The following GDAP2 variants were observed in gnomAD, a reference collection of about 807,000 sequenced individuals.
GDAP2 encodes ganglioside induced differentiation associated protein 2, also known as ganglioside-induced differentiation-associated protein 2.
GDAP2 carries 51 observed loss-of-function variants against 67.0 expected under a neutral mutation model. The ratio of observed to expected loss-of-function variants is 0.76; its 90% CI spans 0.61 to 0.96. The LOEUF is 0.96. GDAP2 is among the 40% of genes least tolerant of loss of function. The probability of loss-of-function intolerance (pLI) is 0.00; values close to 1 mark genes in which losing one functional copy is unlikely to be tolerated. For synonymous variants in GDAP2, 203 were observed against 207.3 expected (o/e 0.98, Z 0.18); for missense variants, 547 against 588.3 (o/e 0.93, Z 0.73).
At chr1:117,877,226 G>A in intron 13 of GDAP2, 1 of 885,150 alleles carries the variant, frequency 1.1e-6, no homozygotes, top group South Asian at 5.2e-5. Flanking sequence ...GAGAAATTGT[G>A]TTGCAGAATT....
At chr1:117,921,177 C>T (rs1650241271) in intron 1 of GDAP2, among the ~76,000 whole-genome samples, 1 of 151,970 alleles carries the variant, frequency 6.6e-6, no homozygotes, top group Non-Finnish European at 1.5e-5. Context: ...ATTCATTCAT[C>T]GAATAAATCT....
intron 8 of GDAP2, among the ~76,000 whole-genome samples, chr1:117,892,759 C>T (rs1649129948): frequency 6.6e-6 from 1 of 152,060 alleles, no homozygotes; most frequent in African/African-American, 2.4e-5. Flanking sequence ...TCCACCTGTA[C>T]AGCCAGCAGC....
chr1:117,910,981 G>A (rs1170773153), intron 5 of GDAP2, among the ~76,000 whole-genome samples: 1 of 152,176 alleles, frequency 6.6e-6, no homozygotes, highest in African/African-American at 2.4e-5. Context: ...GATGCTCATC[G>A]TAGTTTATGA....
chr1:117,922,758 GA>G (rs1318570461), intron 1 of GDAP2, among the ~76,000 whole-genome samples: 2 of 152,246 alleles, frequency 1.3e-5, no homozygotes, highest in Non-Finnish European at 2.9e-5. Flanking sequence ...AGGTCAGGGT[GA>G]AACTAGAATC....
intron 6 of GDAP2, among the ~76,000 whole-genome samples, chr1:117,904,847 C>T (rs1464319117): frequency 6.6e-6 from 1 of 152,224 alleles, no homozygotes; most frequent in Non-Finnish European, 1.5e-5. Context: ...CAATGGTTCG[C>T]TGAGCCTCTG....
chr1:117,883,629 T>TA lies in GDAP2; in HGVS notation c.1108-3dup. 1 of 1,592,936 alleles carries TA rather than the reference T, an allele frequency of 6.3e-7. No individual in the cohort carries two copies. The highest frequency in any genetic ancestry group is 8.6e-7 in the Non-Finnish European group (1 of 1,163,086). On this transcript the variant is annotated splice_polypyrimidine_tract_variant and splice_region_variant and intron_variant, in intron 10 of 13. Coordinates refer to ENST00000369443, the MANE Select transcript of GDAP2 (RefSeq NM_017686.4). Reference sequence around the variant, plus strand: ...TACATGAATGAAATATAAGAGAGCCTAAAAGATAAAAGGGGAATAAAGGTG... The same window carrying TA: ...TACATGAATGAAATATAAGAGAGCCTAAAAAGATAAAAGGGGAATAAAGGTG...
At chr1:117,914,693 T>TC (rs1379648027) in intron 3 of GDAP2, among the ~76,000 whole-genome samples, 82 of 152,210 alleles carry the variant, frequency 5.4e-4, no homozygotes, top group Admixed American at 1.0e-3. Flanking sequence ...ACCAGTAACA[T>TC]ACAAACAATC....
rs1647995241 is a variant in GDAP2 at position 117,864,459 on chromosome 1, A to G, written c.*6110T>C. 1 of 152,240 alleles carries G rather than the reference A, an allele frequency of 6.6e-6. No homozygotes were observed. Among genetic ancestry groups the G allele is most frequent in the African/African-American group, 2.4e-5 (1 of 41,466 alleles). The allele number at this position is 152,240 out of a possible 1,614,324, so 9.4% of individuals were successfully genotyped here. On this transcript the variant is annotated 3_prime_UTR_variant, in exon 14 of 14. Coordinates refer to ENST00000369443, the MANE Select transcript of GDAP2 (RefSeq NM_017686.4). ...GTCATCACATAGTACATGGCAGTAC[A>G]TGCCTGTTGAACTGAAAAGAGCCTG...
chr1:117,912,433 A>T, intron 4 of GDAP2, 97 bp downstream of exon 4: 3 of 1,069,152 alleles, frequency 2.8e-6, no homozygotes, highest in Non-Finnish European at 4.0e-6. Context: ...TTCCACTGCT[A>T]GGTTTTTAAT....
intron 8 of GDAP2, among the ~76,000 whole-genome samples, chr1:117,895,959 G>A (rs564880455): frequency 3.0e-4 from 45 of 152,292 alleles, no homozygotes; most frequent in African/African-American, 1.1e-3. Flanking sequence ...CCAGACTTGG[G>A]AGGTAGGTCT....
chr1:117,925,179 G>A (rs1318658847), intron 1 of GDAP2, among the ~76,000 whole-genome samples: 1 of 152,128 alleles, frequency 6.6e-6, no homozygotes, highest in African/African-American at 2.4e-5. Flanking sequence ...TCGGTTGGAC[G>A]CAGTGGCTCA....
chr1:117,897,796 G>A (rs1287543541), intron 7 of GDAP2, among the ~76,000 whole-genome samples: 1 of 152,126 alleles, frequency 6.6e-6, no homozygotes, highest in South Asian at 2.1e-4. Context: ...GTTTCCCCAC[G>A]TCTACTTCAC....
intron 3 of GDAP2, among the ~76,000 whole-genome samples, 156 bp from the exon 4 acceptor site, chr1:117,912,839 C>T (rs757039624): frequency 4.6e-5 from 7 of 152,074 alleles, no homozygotes; most frequent in Non-Finnish European, 8.8e-5. Context: ...TACTTCTGTT[C>T]CCAAAATGAC....
intron 8 of GDAP2, among the ~76,000 whole-genome samples, chr1:117,888,823 A>G (rs1026654974): frequency 2.6e-5 from 4 of 152,160 alleles, no homozygotes; most frequent in African/African-American, 9.6e-5. Flanking sequence ...CTCACCTGCA[A>G]AATGGTGTTC....
Position 117,887,758 on chromosome 1 carries a change from A to T in GDAP2, c.970T>A (p.Cys324Ser). The change falls in exon 9 of 14, where the codon TGT becomes AGT. Residue 324 changes from cysteine (C) to serine (S), a missense_variant. Cys to Ser is a moderately radical substitution (Grantham distance 112). Transcript: ENST00000369443. ...GACAGATCCTCAGATCTTGCTTGACATAACCAGCGATTATAACTAGGGAAA... is the reference window on the plus strand; with the variant it reads ...GACAGATCCTCAGATCTTGCTTGACTTAACCAGCGATTATAACTAGGGAAA... ...QHQRNYNRWLCQARSEDLSDI... is the reference protein window; with the variant it reads ...QHQRNYNRWLSQARSEDLSDI... 1.3e-6 allele frequency: 2 copies of T among 1,560,960 alleles called. No individual in the cohort carries two copies. Among genetic ancestry groups the T allele is most frequent in the East Asian group, 4.5e-5 (2 of 44,480 alleles).
rs1222305068 is a variant in GDAP2 at position 117,869,897 on chromosome 1, T to C, written c.*672A>G. ...AAAGGCTGAAGATACAGTCTTCTTG[T>C]TTCACCCCACACTGTTGAGATCGGA... On this transcript the variant is annotated 3_prime_UTR_variant, in exon 14 of 14. Transcript: ENST00000369443. 6.6e-6 allele frequency: 1 copy of C among 152,246 alleles called. No individual in the cohort carries two copies. Among genetic ancestry groups the C allele is most frequent in the Admixed American group, 6.5e-5 (1 of 15,280 alleles). The allele number at this position is 152,246 out of a possible 1,614,324, so 9.4% of individuals were successfully genotyped here. A position where few individuals can be genotyped will look rare whatever the true frequency, so the allele number is the denominator to read the frequency against.
intron 9 of GDAP2, among the ~76,000 whole-genome samples, 176 bp downstream of exon 9, chr1:117,887,522 T>C (rs1648903566): frequency 6.6e-6 from 1 of 152,188 alleles, no homozygotes; most frequent in South Asian, 2.1e-4. Flanking sequence ...GAAAATGTTA[T>C]AGATTGGGAT....
chr1:117,900,302 T>A (rs1050789782), intron 6 of GDAP2, among the ~76,000 whole-genome samples: 1 of 152,078 alleles, frequency 6.6e-6, no homozygotes, highest in Non-Finnish European at 1.5e-5. Context: ...TCACAGACAG[T>A]ATTCACAAAG....
rs1009721352 is a variant in GDAP2, at chr1:117,864,027, C to T, written c.*6542G>A. The stretch of plus-strand genomic sequence containing the variant: ...GGTCTGAGTGTGTCAGAAGCCAAAG[C>T]GCCAATGCTACTGACCACTAAATTG... On this transcript the variant is annotated 3_prime_UTR_variant, in exon 14 of 14. Coordinates refer to ENST00000369443, the MANE Select transcript of GDAP2 (RefSeq NM_017686.4). 2.6e-5 allele frequency: 4 copies of T among 152,274 alleles called. No homozygotes were observed. The highest frequency in any genetic ancestry group is 4.8e-5 in the African/African-American group (2 of 41,544). 9.4% of individuals were successfully genotyped at this position (152,274 alleles called of 1,614,324 possible).
Sources: gnomAD v4.1 joint callset for allele counts (sites outside exome capture counted in the v4.1 genomes callset) on GRCh38, gnomAD v4.1.1 for gene constraint, MANE v1.5 for transcripts, NCBI Gene and HGNC (gene_info 2026-07-23, HGNC 2026-07-21) for gene names.